Variants in R3HDM2 observed in about 807,000 individuals in gnomAD.
R3HDM2 encodes the protein R3H domain containing 2.
In R3HDM2, 38 loss-of-function variants were observed where a neutral mutation model predicts 124.5. The observed-to-expected ratio is 0.31, with a 90% confidence interval of 0.24 to 0.40. The LOEUF (loss-of-function observed/expected upper bound fraction) is 0.40. Ranked by LOEUF, R3HDM2 falls within the 10% of genes least tolerant of loss-of-function variation. R3HDM2 has a pLI of 1.00. For synonymous variants in R3HDM2, 391 were observed against 448.0 expected (o/e 0.87, Z 1.61); for missense variants, 869 against 1,236.9 (o/e 0.70, Z 4.46).
chr12:57,423,785 C>G (rs970201666), intron 1 of R3HDM2, among the ~76,000 whole-genome samples: 2 of 122,526 alleles, frequency 1.6e-5, no homozygotes, highest in African/African-American at 3.2e-5. Context: ...CCAGCCTGGG[C>G]AACAGAGCAA....
intron 2 of R3HDM2, among the ~76,000 whole-genome samples, chr12:57,358,012 T>C (rs1304238600): frequency 6.6e-6 from 1 of 151,630 alleles, no homozygotes; most frequent in African/African-American, 2.4e-5. Flanking sequence ...AGAGTTTCTC[T>C]CTGTCACCCA....
At chr12:57,424,650 C>T (rs578217947) in intron 1 of R3HDM2, among the ~76,000 whole-genome samples, 7 of 152,214 alleles carry the variant, frequency 4.6e-5, no homozygotes, top group African/African-American at 1.4e-4. Flanking sequence ...AATTGTCATA[C>T]GCAACAAAGA....
At chr12:57,345,888 G>A (rs1229733958) in intron 2 of R3HDM2, among the ~76,000 whole-genome samples, 2 of 152,104 alleles carry the variant, frequency 1.3e-5, no homozygotes, top group Admixed American at 6.5e-5. Context: ...GGCTGGGTGC[G>A]GTGGCTCACG....
chr12:57,332,964 G>T (rs528784498), intron 2 of R3HDM2, among the ~76,000 whole-genome samples: 55 of 152,298 alleles, frequency 3.6e-4, no homozygotes, highest in African/African-American at 1.3e-3. Context: ...CACTGGGAGA[G>T]CAAAGAATAA....
chr12:57,306,369 G>A (rs1240344929), intron 3 of R3HDM2, among the ~76,000 whole-genome samples: 1 of 151,606 alleles, frequency 6.6e-6, no homozygotes, highest in African/African-American at 2.4e-5. Context: ...AGGATTACAA[G>A]TTTAAAGGCA....
chr12:57,398,993 AC>A (rs1266715496), intron 1 of R3HDM2, among the ~76,000 whole-genome samples: 1 of 152,224 alleles, frequency 6.6e-6, no homozygotes, highest in Non-Finnish European at 1.5e-5. Flanking sequence ...CAAGTAGCAA[AC>A]ACCTATAAGA....
At chr12:57,323,699 T>A (rs966960241) in intron 2 of R3HDM2, among the ~76,000 whole-genome samples, 1 of 152,218 alleles carries the variant, frequency 6.6e-6, no homozygotes. Context: ...GTACTTGCCT[T>A]AAAATGAGAA....
chr12:57,310,153 TGGGCC>T, intron 3 of R3HDM2, 106 bp downstream of exon 3: 1 of 693,676 alleles, frequency 1.4e-6, no homozygotes, highest in African/African-American at 1.9e-5. Context: ...GAGGGTGCAG[TGGGCC>T]CTAATTGTGC....
intron 14 of R3HDM2, among the ~76,000 whole-genome samples, chr12:57,273,315 G>T (rs185493454): frequency 7.3e-6 from 1 of 136,688 alleles, no homozygotes. Flanking sequence ...CCTCAAGCAG[G>T]AGGATTTGTT....
rs996448573 is a variant in R3HDM2, at chr12:57,268,600, G to T, written c.1876-143C>A. 5.6e-6 allele frequency: 5 copies of T among 897,422 alleles called. No homozygotes were observed. In the African/African-American group the frequency reaches 6.7e-5, roughly 12 times the overall value. The allele number at this position is 897,422 out of a possible 1,614,324, so 55.6% of individuals were successfully genotyped here. ...CTCCTGTTTTCCCCATCTGCCTAAAGAAAATGTTTCCAGAGCTGTCTCTAT... is the reference window on the plus strand; with the variant it reads ...CTCCTGTTTTCCCCATCTGCCTAAATAAAATGTTTCCAGAGCTGTCTCTAT... On this transcript the variant is annotated intron_variant, in intron 17 of 23. Transcript: ENST00000402412.
intron 2 of R3HDM2, among the ~76,000 whole-genome samples, chr12:57,392,630 G>T (rs1487740421): frequency 2.0e-5 from 3 of 152,028 alleles, no homozygotes; most frequent in Non-Finnish European, 2.9e-5. Flanking sequence ...TTTCACTCTT[G>T]TTGCCCAGGC....
At chr12:57,360,055 T>A (rs2061742415) in intron 2 of R3HDM2, among the ~76,000 whole-genome samples, 2 of 135,854 alleles carry the variant, frequency 1.5e-5, no homozygotes, top group South Asian at 2.3e-4. Context: ...ATATTTTTTT[T>A]TTTTTTTTGG....
intron 2 of R3HDM2, among the ~76,000 whole-genome samples, chr12:57,384,572 C>T (rs2138430150): frequency 6.6e-6 from 1 of 152,124 alleles, no homozygotes; most frequent in South Asian, 2.1e-4. Flanking sequence ...TACAGGTCAC[C>T]ATGATTTTTT....
chr12:57,269,798 G>A lies in R3HDM2; in HGVS notation c.1541C>T (p.Thr514Ile), dbSNP rs760908705. Reference protein sequence around the residue: ...NYSTSSHAPPTQQVLPPQGYM... With the variant: ...NYSTSSHAPPIQQVLPPQGYM... ...CCCCTGGGGTGGCAGAACTTGCTGA[G>A]TAGGTGGTGCATGGCTAGAGGTGGA... Residue 514 changes from threonine to isoleucine, a missense_variant, in exon 15 of 24, where the codon ACT becomes ATT. Thr to Ile is a moderately conservative substitution (Grantham distance 89). Transcript: ENST00000402412. The A allele has an allele frequency of 1.2e-6, 2 of 1,614,084 alleles. No individual in the cohort carries two copies. The highest frequency in any genetic ancestry group is 3.3e-5 in the Admixed American group (2 of 60,012).
At chr12:57,323,981 T>C (rs1375406706) in intron 2 of R3HDM2, among the ~76,000 whole-genome samples, 1 of 152,092 alleles carries the variant, frequency 6.6e-6, no homozygotes, top group African/African-American at 2.4e-5. Context: ...TCACACTGTC[T>C]TTTCCCACCC....
intron 2 of R3HDM2, among the ~76,000 whole-genome samples, chr12:57,360,775 G>T (rs1420183538): frequency 4.6e-5 from 7 of 152,170 alleles, no homozygotes; most frequent in African/African-American, 7.2e-5. Flanking sequence ...AAGGCATAGC[G>T]CTGGGCGCAG....
intron 14 of R3HDM2, among the ~76,000 whole-genome samples, chr12:57,270,999 T>TG (rs2043479958): frequency 6.6e-6 from 1 of 152,228 alleles, no homozygotes; most frequent in African/African-American, 2.4e-5. Flanking sequence ...GTTTTCCTTA[T>TG]GCCCCCAACC....
intron 1 of R3HDM2, among the ~76,000 whole-genome samples, chr12:57,399,643 A>G (rs1170101275): frequency 1.3e-5 from 2 of 152,206 alleles, no homozygotes; most frequent in African/African-American, 4.8e-5. Flanking sequence ...TTGGAGAAGC[A>G]GCATAGCCTC....
At chr12:57,266,188 C>G (rs1177410641) in intron 19 of R3HDM2, among the ~76,000 whole-genome samples, 1 of 151,612 alleles carries the variant, frequency 6.6e-6, no homozygotes, top group Non-Finnish European at 1.5e-5. Flanking sequence ...CCTCTGCCTC[C>G]CAGGTTCAAG....
Sources: gnomAD v4.1 joint callset for allele counts (sites outside exome capture counted in the v4.1 genomes callset) on GRCh38, gnomAD v4.1.1 for gene constraint, MANE v1.5 for transcripts, NCBI Gene and HGNC (gene_info 2026-07-23, HGNC 2026-07-21) for gene names.